The following RALGAPA1 variants were observed in gnomAD, a reference collection of about 807,000 sequenced individuals.
The protein encoded by RALGAPA1 is Ral GTPase activating protein catalytic subunit alpha 1.
RALGAPA1 carries 52 observed loss-of-function variants against 269.6 expected under a neutral mutation model. The ratio of observed to expected loss-of-function variants is 0.19; its 90% CI spans 0.15 to 0.24. The LOEUF is 0.24. Among genes scored for constraint, RALGAPA1 ranks in the 10% least tolerant of loss-of-function variants. RALGAPA1 has a pLI of 1.00. For synonymous variants in RALGAPA1, 817 were observed against 1,008.3 expected, an observed-to-expected ratio of 0.81 and a Z score of 3.60; for missense variants, 1,917 against 3,013.9, an observed-to-expected ratio of 0.64 and a Z score of 8.52.
intron 31 of RALGAPA1, among the ~76,000 whole-genome samples, chr14:35,643,393 C>T (rs990445918): frequency 7.9e-5 from 12 of 151,590 alleles, no homozygotes; most frequent in Admixed American, 5.9e-4. Context: ...TAAATGCTGG[C>T]GAGGATGTGG....
Position 35,576,736 on chromosome 14 carries a change from G to A in RALGAPA1, c.7210-4018C>T, listed in dbSNP as rs117590885. On this transcript the variant is annotated intron_variant, in intron 37 of 41. Transcript: ENST00000680220. ...TATTATTATCCCTATTTTTACAGGA[G>A]AGGAATTGAAGCTTAAAAGGATGAA... Among the ~76,000 whole-genome samples, 111 of 152,304 alleles carry A rather than the reference G, an allele frequency of 7.3e-4. 1 individual carries two copies. The East Asian group carries it at 0.02, about 27-fold the overall frequency.
At chr14:35,720,195 A>G (rs2069264141) in intron 16 of RALGAPA1, among the ~76,000 whole-genome samples, 1 of 152,202 alleles carries the variant, frequency 6.6e-6, no homozygotes, top group Non-Finnish European at 1.5e-5. Context: ...TTAATACTAC[A>G]ATAACTTTTT....
chr14:35,563,418 A>G (rs2056450988), intron 39 of RALGAPA1, among the ~76,000 whole-genome samples: 1 of 152,158 alleles, frequency 6.6e-6, no homozygotes, highest in African/African-American at 2.4e-5. Flanking sequence ...AGCTGGACAC[A>G]TAAGGTGCCC....
chr14:35,690,007 T>C lies in RALGAPA1; in HGVS notation c.2408-4A>G, dbSNP rs760432947. ...AGTATTTGAGCATCATCAATATCTG[T>C]AAAAGAAAAAAAAATTATGTAGAGA... is the stretch of plus-strand genomic sequence containing the variant. On this transcript the variant is annotated splice_polypyrimidine_tract_variant and splice_region_variant and intron_variant, in intron 17 of 41. Coordinates refer to ENST00000680220, the MANE Select transcript of RALGAPA1 (RefSeq NM_001346249.2). 25 of 1,540,942 alleles carry C rather than the reference T, an allele frequency of 1.6e-5. No homozygotes were observed. In the Admixed American group the frequency reaches 1.9e-4, roughly 12 times the overall value.
chr14:35,625,305 C>G (rs1219672565), intron 35 of RALGAPA1, 56 bp downstream of exon 35: 3 of 1,131,860 alleles, frequency 2.7e-6, no homozygotes, highest in African/African-American at 1.6e-5. Context: ...CAGTATTATT[C>G]TAAAAGAGAA....
chr14:35,739,661 G>A (rs927197826), intron 11 of RALGAPA1, among the ~76,000 whole-genome samples: 6 of 152,024 alleles, frequency 3.9e-5, no homozygotes, highest in South Asian at 2.1e-4. Flanking sequence ...AGAAACTTGC[G>A]ACACCTCCCC....
intron 10 of RALGAPA1, among the ~76,000 whole-genome samples, chr14:35,746,596 T>C (rs1224280043): frequency 6.6e-6 from 1 of 152,136 alleles, no homozygotes; most frequent in Non-Finnish European, 1.5e-5. Flanking sequence ...AAGTGTTTGA[T>C]ACCAACATAC....
intron 11 of RALGAPA1, among the ~76,000 whole-genome samples, chr14:35,740,742 A>G (rs2141144033): frequency 6.6e-6 from 1 of 152,300 alleles, no homozygotes; most frequent in East Asian, 1.9e-4. Context: ...CGGGAGGTGG[A>G]GGTTACAGTG....
At chr14:35,670,625 A>G (rs1262838898) in intron 26 of RALGAPA1, among the ~76,000 whole-genome samples, 1 of 152,146 alleles carries the variant, frequency 6.6e-6, no homozygotes, top group Non-Finnish European at 1.5e-5. Context: ...TTCACATGCA[A>G]TTTGAGAGTT....
At chr14:35,778,126 T>C (rs1249298790) in intron 1 of RALGAPA1, among the ~76,000 whole-genome samples, 1 of 152,060 alleles carries the variant, frequency 6.6e-6, no homozygotes, top group East Asian at 1.9e-4. Flanking sequence ...TGTGGCATGA[T>C]TACAACTCAC....
intron 33 of RALGAPA1, among the ~76,000 whole-genome samples, chr14:35,630,362 A>G (rs1053896592): frequency 6.6e-6 from 1 of 151,700 alleles, no homozygotes; most frequent in Admixed American, 6.6e-5. Context: ...ATCTTGGCTC[A>G]CTGCAGCCTC....
chr14:35,594,466 T>C (rs1281542108), intron 37 of RALGAPA1, among the ~76,000 whole-genome samples: 2 of 151,880 alleles, frequency 1.3e-5, no homozygotes, highest in Non-Finnish European at 2.9e-5. Context: ...AAACAGACAT[T>C]TATTCAAAAA....
intron 17 of RALGAPA1, among the ~76,000 whole-genome samples, chr14:35,690,500 C>T (rs533909039): frequency 1.3e-5 from 2 of 152,282 alleles, no homozygotes; most frequent in South Asian, 4.1e-4. Flanking sequence ...TGTTTGATTA[C>T]ATATTAGAAA....
intron 39 of RALGAPA1, among the ~76,000 whole-genome samples, chr14:35,550,017 T>C (rs182962771): frequency 2.8e-4 from 43 of 152,358 alleles, no homozygotes; most frequent in Non-Finnish European, 4.4e-4. Flanking sequence ...TCTGATATTA[T>C]TGACAAGCAA....
intron 35 of RALGAPA1, among the ~76,000 whole-genome samples, chr14:35,622,072 T>C (rs1387730331): frequency 6.6e-6 from 1 of 152,182 alleles, no homozygotes; most frequent in Non-Finnish European, 1.5e-5. Flanking sequence ...CACATATGTT[T>C]ACTGCGGCAC....
Position 35,609,213 on chromosome 14 carries a change from C to T in RALGAPA1, c.6930-3504G>A, listed in dbSNP as rs541929947. ...CTGCACTCCAGCCTAGGCGACAGAG[C>T]GACACTCCGTCTCAAAAAAAAAAAA... On this transcript the variant is annotated intron_variant, in intron 35 of 41. Transcript: ENST00000680220. 6.0e-5 allele frequency among the ~76,000 whole-genome samples: 9 copies of T among 149,106 alleles called. No homozygotes were observed. In the East Asian group the frequency reaches 1.2e-3, roughly 19 times the overall value.
intron 35 of RALGAPA1, among the ~76,000 whole-genome samples, chr14:35,624,696 GGAATGGTC>G (rs1189891498): frequency 6.6e-6 from 1 of 152,066 alleles, no homozygotes; most frequent in Non-Finnish European, 1.5e-5. Flanking sequence ...GTTTGATGTG[GGAATGGTC>G]TGAATCATCT....
intron 18 of RALGAPA1, among the ~76,000 whole-genome samples, chr14:35,687,896 A>G (rs1467058999): frequency 6.6e-6 from 1 of 152,230 alleles, no homozygotes; most frequent in African/African-American, 2.4e-5. Flanking sequence ...GATTAAATTC[A>G]CTTTGAGATT....
intron 1 of RALGAPA1, among the ~76,000 whole-genome samples, chr14:35,787,334 A>C (rs2075866064): frequency 6.6e-6 from 1 of 152,220 alleles, no homozygotes; most frequent in South Asian, 2.1e-4. Flanking sequence ...TATTTACAGT[A>C]AGTGGCTTAG....
Sources: allele counts gnomAD v4.1 joint callset (sites outside exome capture counted in the v4.1 genomes callset), GRCh38; gene constraint gnomAD v4.1.1; transcripts MANE v1.5; gene names NCBI Gene and HGNC (gene_info 2026-07-23, HGNC 2026-07-21).